Variants in CEP85L observed in about 807,000 individuals in gnomAD.
CEP85L encodes centrosomal protein 85L.
CEP85L carries 60 observed loss-of-function variants against 100.3 expected under a neutral mutation model. The ratio of observed to expected loss-of-function variants is 0.60; its 90% CI spans 0.49 to 0.74. The LOEUF (loss-of-function observed/expected upper bound fraction) is 0.74. Among genes scored for constraint, CEP85L ranks in the 30% least tolerant of loss-of-function variants. The probability of loss-of-function intolerance (pLI) is 0.00; values close to 1 mark genes in which losing one functional copy is unlikely to be tolerated. For missense variants in CEP85L, 973 were observed against 936.2 expected (o/e 1.04, Z -0.51); for synonymous variants, 319 against 322.7 (o/e 0.99, Z 0.12).
In CEP85L at chr6:118,524,983, G is replaced by A. The variant is rs182919326; in HGVS notation, c.1021-1063C>T. ...CTGTGAGGTGGAGGACCTGTTAGCA[G>A]GGCTCTATCTTGCTTTGATGATTGT... On this transcript the variant is annotated intron_variant, in intron 3 of 12. Transcript: ENST00000368491. Among the ~76,000 whole-genome samples, 4 of 152,308 alleles carry A rather than the reference G, an allele frequency of 2.6e-5. No individual in the cohort carries two copies. In the East Asian group the frequency reaches 7.7e-4, roughly 29 times the overall value.
chr6:118,662,110 AG>A (rs1775991805), intron 1 of CEP85L, among the ~76,000 whole-genome samples: 1 of 152,226 alleles, frequency 6.6e-6, no homozygotes, highest in African/African-American at 2.4e-5. Context: ...TGCTAAGAAA[AG>A]GGGCGAATAA....
At chr6:118,506,277 A>G (rs1484913101) in intron 5 of CEP85L, among the ~76,000 whole-genome samples, 2 of 152,184 alleles carry the variant, frequency 1.3e-5, no homozygotes, top group African/African-American at 4.8e-5. Flanking sequence ...GTGATATTTT[A>G]AAACCACATA....
At chr6:118,570,503 T>A (rs1662359413) in intron 2 of CEP85L, among the ~76,000 whole-genome samples, 1 of 152,210 alleles carries the variant, frequency 6.6e-6, no homozygotes, top group Non-Finnish European at 1.5e-5. Context: ...CAATTTCACA[T>A]CAGACTAGTG....
intron 2 of CEP85L, among the ~76,000 whole-genome samples, chr6:118,623,229 C>T (rs1773569067): frequency 1.3e-5 from 2 of 152,098 alleles, no homozygotes; most frequent in African/African-American, 2.4e-5. Context: ...ATCATAAGGC[C>T]CCTCTGGGGG....
chr6:118,518,469 G>A (rs1053527946), intron 4 of CEP85L, among the ~76,000 whole-genome samples: 3 of 152,148 alleles, frequency 2.0e-5, no homozygotes, highest in Non-Finnish European at 2.9e-5. Context: ...GAGAGTGTAC[G>A]TGTCCAGGAA....
rs1776045358 is a variant in CEP85L at position 118,663,775 on chromosome 6, T to C, written c.-27-10967A>G. ...GTCTCTTATATAGAAGGGCATAGTA[T>C]TTGCATATAACCTGTGCACATCCTC... is the stretch of plus-strand genomic sequence containing the variant. On this transcript the variant is annotated intron_variant, in intron 1 of 13. Coordinates refer to the CEP85L transcript ENST00000368488. Among the ~76,000 whole-genome samples the C allele has an allele frequency of 2.0e-5, 3 of 152,168 alleles. No homozygotes were observed. In the South Asian group the frequency reaches 6.2e-4, roughly 32 times the overall value.
At chr6:118,521,655 A>C (rs1582968824) in intron 4 of CEP85L, among the ~76,000 whole-genome samples, 1 of 152,038 alleles carries the variant, frequency 6.6e-6, no homozygotes, top group South Asian at 2.1e-4. Flanking sequence ...GCTTCAAGAG[A>C]CTTCGTATGC....
At chr6:118,481,158 A>G (rs1006416323) in intron 8 of CEP85L, among the ~76,000 whole-genome samples, 1 of 152,026 alleles carries the variant, frequency 6.6e-6, no homozygotes, top group Non-Finnish European at 1.5e-5. Flanking sequence ...ATAGGAGCCA[A>G]TCACTTCAAT....
chr6:118,625,278 C>A (rs1432493905), intron 2 of CEP85L, among the ~76,000 whole-genome samples: 1 of 152,204 alleles, frequency 6.6e-6, no homozygotes, highest in Admixed American at 6.5e-5. Context: ...CTAAAGGGCA[C>A]CCCAAAAGAG....
intron 2 of CEP85L, among the ~76,000 whole-genome samples, chr6:118,578,664 C>T (rs762413457): frequency 2.6e-4 from 40 of 152,012 alleles, no homozygotes; most frequent in African/African-American, 7.2e-4. Flanking sequence ...AGGAGGCGGA[C>T]GTTGCCATGA....
At chr6:118,595,627 A>T (rs1781423557) in intron 2 of CEP85L, among the ~76,000 whole-genome samples, 1 of 152,230 alleles carries the variant, frequency 6.6e-6, no homozygotes, top group Non-Finnish European at 1.5e-5. Context: ...CACCTCAAAT[A>T]TCTCCTAAAA....
chr6:118,651,574 T>G lies in CEP85L; in HGVS notation c.-305A>C. ...CAGGCTCAAAGGCTCCAGGCGAAGT[T>G]GCAGCTGCGGGTTCTCTCCGCCCCC... On this transcript the variant is annotated 5_prime_UTR_variant, in exon 1 of 13. Transcript: ENST00000368491. The G allele has an allele frequency of 6.2e-6, 7 of 1,133,992 alleles. No individual in the cohort carries two copies. The highest frequency in any genetic ancestry group is 4.6e-5 in the East Asian group (1 of 21,756). 70.2% of individuals were successfully genotyped at this position (1,133,992 alleles called of 1,614,324 possible).
Position 118,465,033 on chromosome 6 carries a change from C to T in CEP85L, c.*372G>A, listed in dbSNP as rs1459517504. On this transcript the variant is annotated 3_prime_UTR_variant, in exon 13 of 13. Coordinates refer to ENST00000368491, the MANE Select transcript of CEP85L (RefSeq NM_001042475.3). ...TATAAATTTGTGAATAAAGCACGTG[C>T]ACACACACACAACAACACACATACA... 1.2e-5 allele frequency: 2 copies of T among 161,010 alleles called. No individual in the cohort carries two copies. The highest frequency in any genetic ancestry group is 4.8e-5 in the African/African-American group (2 of 41,626). The allele number at this position is 161,010 out of a possible 1,614,324, so 10.0% of individuals were successfully genotyped here.
intron 1 of CEP85L, among the ~76,000 whole-genome samples, chr6:118,697,204 C>G (rs919488849): frequency 2.0e-5 from 3 of 152,178 alleles, no homozygotes; most frequent in Non-Finnish European, 4.4e-5. Context: ...CATGGAGGAG[C>G]TTGGACACCT....
chr6:118,514,890 G>T (rs1039940923), intron 4 of CEP85L, among the ~76,000 whole-genome samples: 1 of 151,770 alleles, frequency 6.6e-6, no homozygotes, highest in African/African-American at 2.4e-5. Flanking sequence ...CTACAGCCTT[G>T]AACTCTTGGG....
At chr6:118,596,066 C>T (rs1781444241) in intron 2 of CEP85L, among the ~76,000 whole-genome samples, 3 of 151,984 alleles carry the variant, frequency 2.0e-5, no homozygotes, top group South Asian at 4.2e-4. Flanking sequence ...GAGATAAACA[C>T]ATTTTAGGTT....
chr6:118,510,604 T>G (rs540560203), intron 5 of CEP85L, among the ~76,000 whole-genome samples: 2 of 151,756 alleles, frequency 1.3e-5, no homozygotes, highest in South Asian at 2.1e-4. Context: ...TGGCTGGGAG[T>G]TGGGGAGTGG....
chr6:118,633,416 G>A lies in CEP85L; in HGVS notation c.74-805C>T, dbSNP rs555625043. Among the ~76,000 whole-genome samples, 5 of 152,130 alleles carry A rather than the reference G, an allele frequency of 3.3e-5. No homozygotes were observed. In the South Asian group the frequency reaches 1.0e-3, roughly 32 times the overall value. The stretch of plus-strand genomic sequence containing the variant: ...AGATGAGGTTTCACCGTGTTAACCA[G>A]GATGGTCTCCATCTCCTGACCTCGT... On this transcript the variant is annotated intron_variant, in intron 1 of 12. Transcript: ENST00000368491.
In CEP85L at chr6:118,463,242, G is replaced by T. The variant is rs529932352; in HGVS notation, c.*2163C>A. On this transcript the variant is annotated 3_prime_UTR_variant, in exon 13 of 13. Transcript: ENST00000368491. Reference sequence around the variant, plus strand: ...ATAGTAGATTAAAACAAACTGTAACGTCTGCTTAAAAAAAAAAAAATAAAT... The same window carrying T: ...ATAGTAGATTAAAACAAACTGTAACTTCTGCTTAAAAAAAAAAAAATAAAT... The T allele has an allele frequency of 6.6e-6, 1 of 151,036 alleles. No homozygotes were observed. Among genetic ancestry groups the T allele is most frequent in the Non-Finnish European group, 1.5e-5 (1 of 67,698 alleles). The allele number at this position is 151,036 out of a possible 1,614,324, so 9.4% of individuals were successfully genotyped here.
Sources: allele counts gnomAD v4.1 joint callset (sites outside exome capture counted in the v4.1 genomes callset), GRCh38; gene constraint gnomAD v4.1.1; transcripts MANE v1.5; gene names NCBI Gene and HGNC (gene_info 2026-07-23, HGNC 2026-07-21).